The following ALAD variants were observed in gnomAD, a reference collection of about 807,000 sequenced individuals.
ALAD encodes aminolevulinate dehydratase, also known as delta-aminolevulinic acid dehydratase.
ALAD carries 20 observed loss-of-function variants against 44.4 expected under a neutral mutation model. The ratio of observed to expected loss-of-function variants is 0.45; its 90% CI spans 0.32 to 0.65. The LOEUF is 0.65. ALAD is among the 30% of genes least tolerant of loss of function. ALAD has a pLI of 0.05. For missense variants in ALAD, 323 were observed against 445.7 expected (o/e 0.72, Z 2.48); for synonymous variants, 156 against 167.9 (o/e 0.93, Z 0.55).
At chr9:113,392,350 G>T in intron 2 of ALAD, 181 bp from the exon 3 acceptor site, 1 of 1,497,860 alleles carries the variant, frequency 6.7e-7, no homozygotes, top group Non-Finnish European at 9.0e-7. Flanking sequence ...AATAATAATA[G>T]GAACAACAAG....
At chr9:113,389,970 T>G in intron 7 of ALAD, 142 bp from the exon 8 acceptor site, 1 of 995,894 alleles carries the variant, frequency 1.0e-6, no homozygotes. Context: ...TTGATTTCCC[T>G]GCAGAGGCCC....
chr9:113,390,954 A>G (rs768863132), intron 4 of ALAD, 21 bp from the exon 5 acceptor site: 2 of 1,613,736 alleles, frequency 1.2e-6, no homozygotes. Flanking sequence ...GGGAGGGACA[A>G]AGCAGTGTGT....
chr9:113,388,664 A>G (rs1377634380), intron 11 of ALAD, among the ~76,000 whole-genome samples: 1 of 152,190 alleles, frequency 6.6e-6, no homozygotes, highest in African/African-American at 2.4e-5. Flanking sequence ...GAGTGATATT[A>G]CTTCATTTAA....
chr9:113,388,874 C>T (rs1172376934), intron 11 of ALAD, 103 bp downstream of exon 11: 44 of 1,563,140 alleles, frequency 2.8e-5, no homozygotes, highest in African/African-American at 4.1e-5. Flanking sequence ...TAGTAATTCC[C>T]GGAATAAGAT....
chr9:113,393,320 T>A (rs1248915683), intron 2 of ALAD, 127 bp downstream of exon 2: 1 of 849,852 alleles, frequency 1.2e-6, no homozygotes, highest in Non-Finnish European at 2.0e-6. Flanking sequence ...TCCAGTGCCT[T>A]GAATTTCAAG....
In ALAD at chr9:113,388,270, T is replaced by C; in HGVS notation, c.*30A>G. 1 of 1,612,874 alleles carries C rather than the reference T, an allele frequency of 6.2e-7. No homozygotes were observed. Among genetic ancestry groups the C allele is most frequent in the Non-Finnish European group, 8.5e-7 (1 of 1,178,868 alleles). ...CTGAGGCCCCGGGAACGTTTTAAAG[T>C]TCTAGTTCTTGGGCCTGGCACTGTC... On this transcript the variant is annotated 3_prime_UTR_variant, in exon 12 of 12. Coordinates refer to ENST00000409155, the MANE Select transcript of ALAD (RefSeq NM_000031.6).
chr9:113,388,999 G>A lies in ALAD; in HGVS notation c.909C>T (p.Ala303=), dbSNP rs757113916. The change falls in exon 11 of 12, where the codon GCC becomes GCT. Residue 303 remains alanine (A), a synonymous_variant. Transcript: ENST00000409155. ...TACCTGCTCTGCGGAAGGCAGTCAT[G>A]GCCTCCAGTACGGCAGCCTTGAGAT... The part of the protein sequence containing the change: ...AFDLKAAVLE[A]MTAFRRAGAD... The A allele has an allele frequency of 6.2e-7, 1 of 1,613,886 alleles. No homozygotes were observed.
At chr9:113,400,230 A>C (rs995134726) in intron 1 of ALAD, among the ~76,000 whole-genome samples, 8 of 152,220 alleles carry the variant, frequency 5.3e-5, no homozygotes, top group Non-Finnish European at 1.2e-4. Flanking sequence ...GCAGTGGGTC[A>C]GCGGCAGATC....
Position 113,393,533 on chromosome 9 carries a change from G to A in ALAD, c.27C>T (p.Ser9=), listed in dbSNP as rs773101792. The A allele has an allele frequency of 5.5e-5, 89 of 1,613,736 alleles. 1 individual carries two copies. The South Asian group carries it at 5.8e-4, about 11-fold the overall frequency. The part of the protein sequence containing the change: MQPQSVLH[S]GYFHPLLRAW... The stretch of plus-strand genomic sequence containing the variant: ...CCCGAAGTAGTGGGTGGAAGTAGCC[G>A]CTGTGCAGAACGGACTGGGGCTGCA... The change falls in exon 2 of 12, where the codon AGC becomes AGT. Residue 9 remains serine (S), a synonymous_variant. Coordinates refer to ENST00000409155, the MANE Select transcript of ALAD (RefSeq NM_000031.6).
chr9:113,389,410 G>A, intron 10 of ALAD, 28 bp downstream of exon 10: 1 of 1,610,956 alleles, frequency 6.2e-7, no homozygotes, highest in Non-Finnish European at 8.5e-7. Context: ...AGCCCCCTGA[G>A]CCCCCTTTGC....
intron 1 of ALAD, among the ~76,000 whole-genome samples, chr9:113,394,116 T>G (rs1297622858): frequency 6.6e-6 from 1 of 151,738 alleles, no homozygotes; most frequent in Non-Finnish European, 1.5e-5. Flanking sequence ...TTTTCGAATT[T>G]TTTGTAGAGA....
chr9:113,388,825 T>C (rs1827480105), intron 11 of ALAD, 152 bp downstream of exon 11: 2 of 1,291,794 alleles, frequency 1.5e-6, no homozygotes, highest in East Asian at 2.5e-5. Flanking sequence ...TATGCTGCAG[T>C]TCCATATCTC....
At chr9:113,388,456 A>G (rs1313871497) in intron 11 of ALAD, 95 bp from the exon 12 acceptor site, 3 of 1,167,186 alleles carry the variant, frequency 2.6e-6, no homozygotes, top group Non-Finnish European at 2.6e-6. Context: ...GAAGAAGGCT[A>G]CCATGAAGAA....
intron 1 of ALAD, among the ~76,000 whole-genome samples, chr9:113,394,273 C>T (rs1827670485): frequency 6.7e-6 from 1 of 150,266 alleles, no homozygotes; most frequent in Non-Finnish European, 1.5e-5. Flanking sequence ...CATGGTGGCT[C>T]ACGCCTGTAA....
At position 113,390,375 on chromosome 9, in the gene ALAD, C is replaced by T; in HGVS notation, c.570+30G>A. The T allele has an allele frequency of 3.1e-6, 5 of 1,608,220 alleles. No individual in the cohort carries two copies. The East Asian group carries it at 8.9e-5, about 29-fold the overall frequency. Reference sequence around the variant, plus strand: ...CAGGGCTGGTGCAGACTATCTCCTGCCAGCCCTGTGCTGCATTCCCTGCCC... The same window carrying T: ...CAGGGCTGGTGCAGACTATCTCCTGTCAGCCCTGTGCTGCATTCCCTGCCC... On this transcript the variant is annotated intron_variant, in intron 7 of 11. Coordinates refer to ENST00000409155, the MANE Select transcript of ALAD (RefSeq NM_000031.6).
In ALAD at chr9:113,392,142, G is replaced by A. The variant is rs116243288; in HGVS notation, c.141C>T (p.Ile47=). The A allele has an allele frequency of 5.0e-4, 803 of 1,613,852 alleles. 2 individuals carry two copies. In the African/African-American group the frequency reaches 9.6e-3, roughly 19 times the overall value. ...VTDVPDDIQP[I]TSLPGVARYG... ...ACCTGGCCACTCCTGGGAGGCTGGT[G>A]ATAGGCTGTATGTCATCAGGAACAT... The change falls in exon 3 of 12, where the codon ATC becomes ATT. Residue 47 remains isoleucine (I), a synonymous_variant. Coordinates refer to ENST00000409155, the MANE Select transcript of ALAD (RefSeq NM_000031.6).
intron 6 of ALAD, 26 bp downstream of exon 6, chr9:113,390,567 C>T: frequency 6.2e-7 from 1 of 1,613,644 alleles, no homozygotes. Context: ...CCCAGAGGTG[C>T]CCATCCCTGC....
chr9:113,388,413 A>G, intron 11 of ALAD, 52 bp from the exon 12 acceptor site: 2 of 1,564,098 alleles, frequency 1.3e-6, no homozygotes, highest in Non-Finnish European at 1.8e-6. Context: ...ATCAGCTCTG[A>G]GCACACCTTC....
intron 2 of ALAD, chr9:113,393,180 TTCTG>T (rs1827641615): frequency 1.9e-6 from 1 of 519,532 alleles, no homozygotes; most frequent in Admixed American, 3.2e-5. Context: ...CCTTCTCAGC[TTCTG>T]TCTTACTGCA....
Sources: gnomAD v4.1 joint callset for allele counts (sites outside exome capture counted in the v4.1 genomes callset) on GRCh38, gnomAD v4.1.1 for gene constraint, MANE v1.5 for transcripts, NCBI Gene and HGNC (gene_info 2026-07-23, HGNC 2026-07-21) for gene names.